SIPA1L3: variants seen among roughly 807,000 people sequenced by gnomAD.
SIPA1L3 encodes signal-induced proliferation-associated 1-like protein 3.
A neutral mutation model predicts 150.1 loss-of-function variants in SIPA1L3; 59 were observed. The ratio of observed to expected loss-of-function variants is 0.39; its 90% CI spans 0.32 to 0.49. The LOEUF (loss-of-function observed/expected upper bound fraction) is 0.49, where lower values mean the gene tolerates loss of function less well. Among genes scored for constraint, SIPA1L3 ranks in the 20% least tolerant of loss-of-function variants. The pLI is 0.86. For missense variants in SIPA1L3, 2,211 were observed against 2,489.5 expected (o/e 0.89, Z 2.38); for synonymous variants, 1,070 against 1,077.6 (o/e 0.99, Z 0.14).
intron 2 of SIPA1L3, among the ~76,000 whole-genome samples, chr19:38,045,324 G>A (rs896995471): frequency 2.0e-5 from 3 of 152,020 alleles, no homozygotes; most frequent in Non-Finnish European, 4.4e-5. Context: ...GTTGCAGTGA[G>A]CTGAGATCAT....
intron 2 of SIPA1L3, among the ~76,000 whole-genome samples, chr19:38,048,592 G>A (rs1324167191): frequency 1.3e-5 from 2 of 152,186 alleles, no homozygotes; most frequent in African/African-American, 2.4e-5. Flanking sequence ...GCTGAAAAAA[G>A]CAGAAGTGGA....
chr19:38,201,776 G>GAT, intron 19 of SIPA1L3, 86 bp from the exon 20 acceptor site: 1 of 1,441,720 alleles, frequency 6.9e-7, no homozygotes, highest in Non-Finnish European at 9.3e-7. Flanking sequence ...GCATCATGGA[G>GAT]GTTTGCAGGG....
At chr19:38,067,762 A>G (rs1284264774) in intron 2 of SIPA1L3, among the ~76,000 whole-genome samples, 2 of 100,188 alleles carry the variant, frequency 2.0e-5, no homozygotes, top group Admixed American at 1.0e-4. Context: ...ACTCAGTCTG[A>G]AAAAAAAAAA....
chr19:38,142,521 G>C (rs1001772534), intron 11 of SIPA1L3, 52 bp from the exon 12 acceptor site: 2 of 1,554,032 alleles, frequency 1.3e-6, no homozygotes, highest in Non-Finnish European at 1.8e-6. Context: ...TCCCAGGGCA[G>C]GGGTACCCTC....
chr19:38,141,557 T>A (rs1424128923), intron 11 of SIPA1L3, 122 bp downstream of exon 11: 2 of 1,068,424 alleles, frequency 1.9e-6, no homozygotes, highest in African/African-American at 1.6e-5. Context: ...TCGACCTTCC[T>A]TCTTATCCTT....
At chr19:37,995,933 C>T (rs1040359185) in intron 1 of SIPA1L3, among the ~76,000 whole-genome samples, 4 of 152,094 alleles carry the variant, frequency 2.6e-5, no homozygotes, top group African/African-American at 4.8e-5. Flanking sequence ...TGTTTTGTTC[C>T]GAGACAGGGT....
At chr19:38,179,318 C>T (rs1454874620) in intron 15 of SIPA1L3, among the ~76,000 whole-genome samples, 4 of 152,074 alleles carry the variant, frequency 2.6e-5, no homozygotes, top group Non-Finnish European at 4.4e-5. Flanking sequence ...GGCATGCACC[C>T]GTAATCCCAG....
rs561664381 is a variant in SIPA1L3, at chr19:38,164,894, C to T, written c.4196C>T (p.Pro1399Leu). ...CTGGCGGGGGGCAGCCGAGACCCAC[C>T]GAGGCAGCCCAGGTAAGCTGTTGCA... ...TGLAGGSRDP[P>L]RQPSDMGSRV... Residue 1399 changes from proline to leucine, a missense_variant, in exon 15 of 22, where the codon CCG (proline) becomes CTG (leucine). Physicochemically the swap from Pro to Leu is moderately conservative, Grantham distance 98. Transcript: ENST00000222345. This position sits in a 1 kb window ranked among gnomAD's most constrained non-coding sequence, Gnocchi z 4.1. The T allele has an allele frequency of 9.3e-5, 144 of 1,541,938 alleles. No individual in the cohort carries two copies. Among genetic ancestry groups the T allele is most frequent in the Admixed American group, 5.7e-4 (30 of 52,706 alleles).
chr19:38,106,443 G>C (rs770840815), intron 6 of SIPA1L3, 94 bp from the exon 7 acceptor site: 1 of 827,096 alleles, frequency 1.2e-6, no homozygotes, highest in South Asian at 1.3e-5. Flanking sequence ...TGAAGTGAAA[G>C]CACCAAGTTA....
At chr19:38,125,964 G>T (rs1480335934) in intron 9 of SIPA1L3, among the ~76,000 whole-genome samples, 1 of 152,178 alleles carries the variant, frequency 6.6e-6, no homozygotes, top group Non-Finnish European at 1.5e-5. Flanking sequence ...ACCAGGTCAA[G>T]AGATCGAGAC....
At chr19:37,936,644 C>A (rs2046603387) in intron 1 of SIPA1L3, among the ~76,000 whole-genome samples, 2 of 152,336 alleles carry the variant, frequency 1.3e-5, no homozygotes, top group Middle Eastern at 3.4e-3. Flanking sequence ...ATCACCCCCT[C>A]TTCTCAGAGG....
chr19:38,030,622 A>AC (rs1968627443), intron 2 of SIPA1L3, among the ~76,000 whole-genome samples: 2 of 8,278 alleles, frequency 2.4e-4, no homozygotes, highest in Non-Finnish European at 7.2e-4. Context: ...TATATGTGGC[A>AC]AATATATATA....
chr19:37,947,488 CAAA>C (rs546299734), intron 1 of SIPA1L3, among the ~76,000 whole-genome samples: 8 of 124,050 alleles, frequency 6.4e-5, no homozygotes, highest in Non-Finnish European at 1.7e-5. Context: ...GACTCCATAT[CAAA>C]AAAAAAAAAA....
At chr19:37,918,567 A>T (rs1255987048) in intron 1 of SIPA1L3, among the ~76,000 whole-genome samples, 1 of 151,560 alleles carries the variant, frequency 6.6e-6, no homozygotes, top group African/African-American at 2.4e-5. Context: ...CTGAAAGCTC[A>T]TTTCTAAATT....
intron 2 of SIPA1L3, among the ~76,000 whole-genome samples, chr19:38,040,664 T>A (rs751600784): frequency 2.3e-4 from 35 of 152,152 alleles, no homozygotes; most frequent in Non-Finnish European, 3.5e-4. Flanking sequence ...ATCCTTTTTT[T>A]AAAAAAAATT....
intron 2 of SIPA1L3, among the ~76,000 whole-genome samples, chr19:38,065,282 C>T (rs777960365): frequency 7.2e-5 from 11 of 152,086 alleles, no homozygotes; most frequent in South Asian, 2.1e-4. Context: ...ATTGTTCAGA[C>T]TCCATGGGCC....
chr19:37,916,000 C>T lies in SIPA1L3; in HGVS notation c.-379+8642C>T, dbSNP rs573952513. Among the ~76,000 whole-genome samples the T allele has an allele frequency of 7.4e-5, 11 of 149,492 alleles. No individual in the cohort carries two copies. In the South Asian group the frequency reaches 8.5e-4, roughly 12 times the overall value. On this transcript the variant is annotated intron_variant, in intron 1 of 21. Transcript: ENST00000222345. The stretch of plus-strand genomic sequence containing the variant: ...ACCAGAAGTTCAAGACCAGTCTGGG[C>T]AACATAGACCCCAACTCTGCAAAAA...
chr19:38,118,374 G>C (rs558408120), intron 8 of SIPA1L3, among the ~76,000 whole-genome samples: 2 of 147,310 alleles, frequency 1.4e-5, no homozygotes, highest in Non-Finnish European at 3.0e-5. Context: ...GCTGTGAGCC[G>C]AGATTGCGCC....
chr19:38,058,773 C>A (rs986331930), intron 2 of SIPA1L3, among the ~76,000 whole-genome samples: 2 of 151,910 alleles, frequency 1.3e-5, no homozygotes, highest in Non-Finnish European at 2.9e-5. Flanking sequence ...GCCTGTAATC[C>A]CAGCACTTTG....
Sources: gnomAD v4.1 joint callset for allele counts (sites outside exome capture counted in the v4.1 genomes callset) on GRCh38, gnomAD v4.1.1 for gene constraint, Gnocchi (gnomAD v3.1) non-coding constraint, MANE v1.5 for transcripts, NCBI Gene and HGNC (gene_info 2026-07-23, HGNC 2026-07-21) for gene names.